The following LYST variants were observed in gnomAD, a reference collection of about 807,000 sequenced individuals.
LYST encodes lysosomal-trafficking regulator.
LYST carries 192 observed loss-of-function variants against 413.6 expected under a neutral mutation model. The observed-to-expected ratio is 0.46, with a 90% confidence interval of 0.41 to 0.52. The LOEUF (loss-of-function observed/expected upper bound fraction) is 0.52, where lower values mean the gene tolerates loss of function less well. Ranked by LOEUF, LYST falls within the 20% of genes least tolerant of loss-of-function variation. The probability of loss-of-function intolerance (pLI) is 0.00; values close to 1 mark genes in which losing one functional copy is unlikely to be tolerated. For synonymous variants in LYST, 1,525 were observed against 1,567.3 expected, an observed-to-expected ratio of 0.97 and a Z score of 0.64; for missense variants, 3,815 against 4,499.9, an observed-to-expected ratio of 0.85 and a Z score of 4.35.
At chr1:235,669,448 G>C (rs1376998413) in intron 50 of LYST, among the ~76,000 whole-genome samples, 1 of 152,220 alleles carries the variant, frequency 6.6e-6, no homozygotes, top group Non-Finnish European at 1.5e-5. Flanking sequence ...TGGGAAATTG[G>C]CTGTCTGCAA....
chr1:235,765,546 A>C (rs1558211245), intron 21 of LYST, among the ~76,000 whole-genome samples: 2 of 152,212 alleles, frequency 1.3e-5, no homozygotes, highest in Non-Finnish European at 2.9e-5. Flanking sequence ...TGGTGGTCTT[A>C]AACTGTATTT....
At chr1:235,699,044 G>T (rs879724208) in intron 45 of LYST, among the ~76,000 whole-genome samples, 4 of 152,116 alleles carry the variant, frequency 2.6e-5, no homozygotes, top group African/African-American at 9.7e-5. Flanking sequence ...CAATGACACA[G>T]AAAGATACAA....
rs1012399462 is a variant in LYST, at chr1:235,833,680, A to G, written c.-97-13T>C. On this transcript the variant is annotated splice_polypyrimidine_tract_variant and intron_variant, in intron 1 of 52. Transcript: ENST00000389793. ...AACAAAGCTTCACCTACAAAAAAAA[A>G]GACATATTAATCACAATAGTAAACC... 1.6e-5 allele frequency: 11 copies of G among 673,368 alleles called. No homozygotes were observed. The Admixed American group carries it at 3.8e-4, about 23-fold the overall frequency. 41.7% of individuals were successfully genotyped at this position (673,368 alleles called of 1,614,324 possible).
intron 16 of LYST, 91 bp from the exon 17 acceptor site, chr1:235,777,399 C>T (rs1572225205): frequency 3.9e-6 from 4 of 1,033,292 alleles, no homozygotes; most frequent in East Asian, 2.5e-5. Context: ...TGAAAACACA[C>T]TCAACTGATC....
intron 37 of LYST, among the ~76,000 whole-genome samples, 157 bp from the exon 38 acceptor site, chr1:235,728,288 T>C (rs919092208): frequency 6.6e-6 from 1 of 152,172 alleles, no homozygotes; most frequent in African/African-American, 2.4e-5. Flanking sequence ...ATAGTATCCA[T>C]GAAGTCTTGG....
Position 235,664,155 on chromosome 1 carries a change from T to C in LYST, c.11196-100A>G. 1 of 943,224 alleles carries C rather than the reference T, an allele frequency of 1.1e-6. No individual in the cohort carries two copies. Among genetic ancestry groups the C allele is most frequent in the Non-Finnish European group, 1.7e-6 (1 of 576,854 alleles). The allele number at this position is 943,224 out of a possible 1,614,324, so 58.4% of individuals were successfully genotyped here. A position where few individuals can be genotyped will look rare whatever the true frequency, so the allele number is the denominator to read the frequency against. Reference sequence around the variant, plus strand: ...TTGTTAAAAATCATGTGGAAGGAAATGTAACAAACAATTAACAGTAGTTCC... The same window carrying C: ...TTGTTAAAAATCATGTGGAAGGAAACGTAACAAACAATTAACAGTAGTTCC... On this transcript the variant is annotated intron_variant, in intron 51 of 52. Coordinates refer to ENST00000389793, the MANE Select transcript of LYST (RefSeq NM_000081.4). This position sits in a 1 kb window ranked among gnomAD's most constrained non-coding sequence, Gnocchi z 4.5.
intron 11 of LYST, among the ~76,000 whole-genome samples, chr1:235,792,851 A>G (rs1671163295): frequency 6.6e-6 from 1 of 151,242 alleles, no homozygotes; most frequent in Non-Finnish European, 1.5e-5. Context: ...TTTAGTAGAG[A>G]CGGGGTTTCA....
rs114524618 is a variant in LYST at position 235,855,298 on chromosome 1, C to G, written c.-98+11545G>C. Among the ~76,000 whole-genome samples, 772 of 152,272 alleles carry G rather than the reference C, an allele frequency of 5.1e-3. 7 individuals carry two copies. The highest frequency in any genetic ancestry group is 0.018 in the African/African-American group (748 of 41,558). ...TAAACACCAGTTCATTTAATACTAA[C>G]TTTGATAGAAAACATTTTAATATTC... On this transcript the variant is annotated intron_variant, in intron 1 of 52. Coordinates refer to ENST00000389793, the MANE Select transcript of LYST (RefSeq NM_000081.4).
At chr1:235,817,089 A>T (rs2102928912) in intron 3 of LYST, among the ~76,000 whole-genome samples, 1 of 152,344 alleles carries the variant, frequency 6.6e-6, no homozygotes, top group Middle Eastern at 3.4e-3. Flanking sequence ...TCAAAAGAAG[A>T]CATACATGCG....
intron 2 of LYST, among the ~76,000 whole-genome samples, chr1:235,830,811 CA>C (rs1486957668): frequency 6.6e-6 from 1 of 151,982 alleles, no homozygotes; most frequent in Admixed American, 6.6e-5. Flanking sequence ...AAATATAACC[CA>C]TTTTTCACTT....
rs139681138 is a variant in LYST at position 235,728,902 on chromosome 1, G to A, written c.9106+694C>T. Among the ~76,000 whole-genome samples the A allele has an allele frequency of 1.2e-3, 180 of 152,102 alleles. 2 individuals are homozygous for A. Among genetic ancestry groups the A allele is most frequent in the Non-Finnish European group, 1.5e-3 (105 of 68,004 alleles). On this transcript the variant is annotated intron_variant, in intron 37 of 52. Transcript: ENST00000389793. ...TTGAAGGTACATCAAATCACTGGAGGGCTCATCAGAACATAGACTGCTGGG... is the reference window on the plus strand; with the variant it reads ...TTGAAGGTACATCAAATCACTGGAGAGCTCATCAGAACATAGACTGCTGGG...
Position 235,808,916 on chromosome 1 carries a change from T to A in LYST, c.1902A>T (p.Lys634Asn). 1 of 1,612,462 alleles carries A rather than the reference T, an allele frequency of 6.2e-7. No homozygotes were observed. Among genetic ancestry groups the A allele is most frequent in the Non-Finnish European group, 8.5e-7 (1 of 1,179,042 alleles). ...CAACAGTACAAATATTACAAGCTGC[T>A]TTTTTAATTTTTGGTGATATCTCTG... Reference protein sequence around the residue: ...GGAEISPKIKKAACNICTVDS... With the variant: ...GGAEISPKIKNAACNICTVDS... Residue 634 changes from lysine to asparagine, a missense_variant, in exon 5 of 53, where the codon AAA (lysine) becomes AAT (asparagine). Lys to Asn is a moderately conservative substitution (Grantham distance 94, BLOSUM62 0). Around this residue, in one of 4 missense-constraint regions of LYST, gnomAD observed 1,648 missense variants for 1,810.3 expected, o/e 0.91. Coordinates refer to ENST00000389793, the MANE Select transcript of LYST (RefSeq NM_000081.4).
upstream of LYST, among the ~76,000 whole-genome samples, chr1:235,869,419 C>A (rs1205028157): frequency 6.6e-6 from 1 of 152,136 alleles, no homozygotes; most frequent in Non-Finnish European, 1.5e-5. Flanking sequence ...TTGCAGTGAG[C>A]TGAGATAGCG....
chr1:235,662,911 G>T lies in LYST; in HGVS notation c.*29C>A. On this transcript the variant is annotated 3_prime_UTR_variant, in exon 53 of 53. Coordinates refer to ENST00000389793, the MANE Select transcript of LYST (RefSeq NM_000081.4). Reference sequence around the variant, plus strand: ...AACAAATCTAGTTTGGAGTTAAAGTGCTTTGGAGAACGTGAAGTTCATTCG... The same window carrying T: ...AACAAATCTAGTTTGGAGTTAAAGTTCTTTGGAGAACGTGAAGTTCATTCG... The T allele has an allele frequency of 1.6e-6, 2 of 1,265,872 alleles. No homozygotes were observed. The highest frequency in any genetic ancestry group is 1.2e-6 in the Non-Finnish European group (1 of 861,576). 78.4% of individuals were successfully genotyped at this position (1,265,872 alleles called of 1,614,324 possible).
At chr1:235,681,836 C>G (rs1296371879) in intron 48 of LYST, among the ~76,000 whole-genome samples, 1 of 151,702 alleles carries the variant, frequency 6.6e-6, no homozygotes, top group Non-Finnish European at 1.5e-5. Context: ...CATTTTTTTT[C>G]TTTATCTTTC....
chr1:235,698,877 A>G (rs1252222393), intron 45 of LYST, among the ~76,000 whole-genome samples: 1 of 152,136 alleles, frequency 6.6e-6, no homozygotes, highest in Non-Finnish European at 1.5e-5. Flanking sequence ...TGTCTCAAAA[A>G]AACAAAAACA....
intron 28 of LYST, among the ~76,000 whole-genome samples, chr1:235,749,194 T>C (rs535675958): frequency 2.0e-5 from 3 of 152,322 alleles, no homozygotes; most frequent in African/African-American, 4.8e-5. Flanking sequence ...AGCTTCAGTA[T>C]TCTGCAGTTT....
chr1:235,861,018 TG>T (rs1179551165), intron 1 of LYST, among the ~76,000 whole-genome samples: 1 of 152,234 alleles, frequency 6.6e-6, no homozygotes, highest in African/African-American at 2.4e-5. Context: ...TCCATGTTGT[TG>T]TGTGATCTAA....
intron 15 of LYST, among the ~76,000 whole-genome samples, chr1:235,781,633 C>T (rs192484303): frequency 1.2e-3 from 182 of 151,980 alleles, no homozygotes; most frequent in African/African-American, 4.3e-3. Flanking sequence ...TTAATATGAG[C>T]TTCTCTTTTT....
Sources: gnomAD v4.1 joint callset for allele counts (sites outside exome capture counted in the v4.1 genomes callset) on GRCh38, gnomAD v4.1.1 for gene constraint, gnomAD v4.1.1 regional missense constraint, Gnocchi (gnomAD v3.1) non-coding constraint, MANE v1.5 for transcripts, NCBI Gene and HGNC (gene_info 2026-07-23, HGNC 2026-07-21) for gene names.